Variants in RAB3B observed in about 807,000 individuals in gnomAD.
The protein encoded by RAB3B is RAB3B, member RAS oncogene family.
A neutral mutation model predicts 20.5 loss-of-function variants in RAB3B; 11 were observed. The ratio of observed to expected loss-of-function variants is 0.54; its 90% CI spans 0.34 to 0.89. RAB3B has a LOEUF of 0.89. Ranked by LOEUF, RAB3B falls within the 40% of genes least tolerant of loss-of-function variation. The pLI is 0.02. For synonymous variants in RAB3B, 99 were observed against 106.3 expected, an observed-to-expected ratio of 0.93 and a Z score of 0.42; for missense variants, 225 against 280.9, an observed-to-expected ratio of 0.80 and a Z score of 1.42.
At chr1:51,967,794 G>A (rs1485361143) in intron 2 of RAB3B, among the ~76,000 whole-genome samples, 1 of 151,874 alleles carries the variant, frequency 6.6e-6, no homozygotes, top group African/African-American at 2.4e-5. Flanking sequence ...AGGATTATAG[G>A]CATGAGCCAC....
intron 4 of RAB3B, among the ~76,000 whole-genome samples, chr1:51,930,047 T>C (rs563059116): frequency 6.6e-6 from 1 of 152,302 alleles, no homozygotes; most frequent in South Asian, 2.1e-4. Context: ...CAAGTTCTGG[T>C]GATCAATAGC....
At chr1:51,936,351 T>C (rs1192641309) in intron 3 of RAB3B, among the ~76,000 whole-genome samples, 2 of 152,146 alleles carry the variant, frequency 1.3e-5, no homozygotes, top group African/African-American at 4.8e-5. Context: ...TGATTTCCAT[T>C]GCATATTGAG....
intron 2 of RAB3B, among the ~76,000 whole-genome samples, chr1:51,958,292 C>A (rs991839817): frequency 1.3e-5 from 2 of 152,192 alleles, no homozygotes; most frequent in African/African-American, 4.8e-5. Flanking sequence ...CAACCCTTTA[C>A]CCTCTGGGCC....
chr1:51,959,074 C>T (rs1684750743), intron 2 of RAB3B, among the ~76,000 whole-genome samples: 1 of 152,178 alleles, frequency 6.6e-6, no homozygotes, highest in South Asian at 2.1e-4. Flanking sequence ...CAGGTGAGTT[C>T]CAGACACATG....
intron 4 of RAB3B, among the ~76,000 whole-genome samples, chr1:51,924,248 G>C (rs1028027963): frequency 6.6e-6 from 1 of 152,170 alleles, no homozygotes; most frequent in Non-Finnish European, 1.5e-5. Flanking sequence ...CCTTTGAGGA[G>C]CCCCTAGTGT....
chr1:51,970,729 G>A (rs1684917307), intron 2 of RAB3B, among the ~76,000 whole-genome samples: 1 of 151,872 alleles, frequency 6.6e-6, no homozygotes, highest in Non-Finnish European at 1.5e-5. Context: ...CCAGTGGCTG[G>A]GCACGGTGGC....
Position 51,911,487 on chromosome 1 carries a change from T to A in RAB3B, c.*8440A>T, listed in dbSNP as rs1217554620. ...GAGAACAAAAGAAGAGACAATATAT[T>A]TTTGGTTGCAAGGGATAAGAACCTA... On this transcript the variant is annotated 3_prime_UTR_variant, in exon 5 of 5. Coordinates refer to ENST00000371655, the MANE Select transcript of RAB3B (RefSeq NM_002867.4). 1 of 152,110 alleles carries A rather than the reference T, an allele frequency of 6.6e-6. No homozygotes were observed. The allele number at this position is 152,110 out of a possible 1,614,324, so 9.4% of individuals were successfully genotyped here. A position where few individuals can be genotyped will look rare whatever the true frequency, so the allele number is the denominator to read the frequency against.
intron 2 of RAB3B, among the ~76,000 whole-genome samples, chr1:51,962,868 T>C (rs1223961355): frequency 6.6e-6 from 1 of 152,204 alleles, no homozygotes; most frequent in Non-Finnish European, 1.5e-5. Context: ...ATCAGCGGGC[T>C]GGAGGTGGGA....
At chr1:51,926,037 A>G (rs1047880934) in intron 4 of RAB3B, among the ~76,000 whole-genome samples, 1 of 152,176 alleles carries the variant, frequency 6.6e-6, no homozygotes, top group African/African-American at 2.4e-5. Flanking sequence ...TCACCTGCCA[A>G]TATCTTCCTT....
rs748898072 is a variant in RAB3B, at chr1:51,976,909, C to T, written c.209G>A (p.Arg70Gln). The change falls in exon 2 of 5, where the codon CGG (arginine) becomes CAG (glutamine). Residue 70 changes from arginine to glutamine, a missense_variant. Coordinates refer to ENST00000371655, the MANE Select transcript of RAB3B (RefSeq NM_002867.4). ...KVKTVYRHEK[R>Q]VKLQIWDTAG... ...ACTCACCCAGATCTGCAGTTTCACCCGCTTCTCGTGACGGTAGACTGTCTT... is the reference window on the plus strand; with the variant it reads ...ACTCACCCAGATCTGCAGTTTCACCTGCTTCTCGTGACGGTAGACTGTCTT... 2.6e-5 allele frequency: 42 copies of T among 1,614,028 alleles called. 1 individual carries two copies. The Admixed American group carries it at 4.3e-4, about 17-fold the overall frequency.
chr1:51,962,308 G>T (rs538754549), intron 2 of RAB3B, among the ~76,000 whole-genome samples: 4 of 152,328 alleles, frequency 2.6e-5, no homozygotes, highest in African/African-American at 9.6e-5. Flanking sequence ...GTGGGAGATA[G>T]TATTAGTCCC....
rs546318471 is a variant in RAB3B, at chr1:51,912,380, T to G, written c.*7547A>C. 1 of 149,784 alleles carries G rather than the reference T, an allele frequency of 6.7e-6. No individual in the cohort carries two copies. The highest frequency in any genetic ancestry group is 2.1e-4 in the South Asian group (1 of 4,764). The allele number at this position is 149,784 out of a possible 1,614,324, so 9.3% of individuals were successfully genotyped here. On this transcript the variant is annotated 3_prime_UTR_variant, in exon 5 of 5. Transcript: ENST00000371655. ...TTTTTGTGTGAAGTAAACCTCAGTG[T>G]TACTGAGCCGTTCATTTATTTAGAT...
intron 2 of RAB3B, among the ~76,000 whole-genome samples, chr1:51,956,013 C>G (rs544265969): frequency 6.6e-6 from 1 of 152,160 alleles, no homozygotes; most frequent in Admixed American, 6.5e-5. Context: ...GGACAAACAT[C>G]TGAGGAGCGA....
intron 1 of RAB3B, among the ~76,000 whole-genome samples, chr1:51,983,397 T>G (rs374338070): frequency 1.7e-4 from 26 of 152,280 alleles, no homozygotes; most frequent in African/African-American, 5.5e-4. Flanking sequence ...TACTTACCAC[T>G]GTGTTACAAT....
chr1:51,958,655 G>A (rs555129381), intron 2 of RAB3B, among the ~76,000 whole-genome samples: 20 of 152,178 alleles, frequency 1.3e-4, no homozygotes, highest in East Asian at 1.2e-3. Context: ...CCCGGGAGGC[G>A]GAGGTTGCGG....
chr1:51,939,424 C>CT (rs148887542), intron 2 of RAB3B, among the ~76,000 whole-genome samples: 41 of 146,180 alleles, frequency 2.8e-4, no homozygotes, highest in East Asian at 7.9e-4. Flanking sequence ...AAATCTGGGA[C>CT]TTTTTTTTTT....
chr1:51,977,185 A>T, intron 1 of RAB3B, 68 bp from the exon 2 acceptor site: 1 of 1,189,234 alleles, frequency 8.4e-7, no homozygotes, highest in South Asian at 1.3e-5. Flanking sequence ...CATCCTTCTA[A>T]TGGTCACCCC....
At chr1:51,928,460 G>C (rs1684277897) in intron 4 of RAB3B, among the ~76,000 whole-genome samples, 1 of 152,214 alleles carries the variant, frequency 6.6e-6, no homozygotes, top group Admixed American at 6.5e-5. Flanking sequence ...TTGACTGAGA[G>C]AGCTGAGAAA....
intron 1 of RAB3B, among the ~76,000 whole-genome samples, chr1:51,988,524 C>T (rs1426209855): frequency 6.6e-6 from 1 of 152,222 alleles, no homozygotes; most frequent in Non-Finnish European, 1.5e-5. Context: ...AAAACAGGAA[C>T]ACCTGCAGAA....
Sources: allele counts gnomAD v4.1 joint callset (sites outside exome capture counted in the v4.1 genomes callset), GRCh38; gene constraint gnomAD v4.1.1; transcripts MANE v1.5; gene names NCBI Gene and HGNC (gene_info 2026-07-23, HGNC 2026-07-21).